The following IGHMBP2 variants were observed in gnomAD, a reference collection of about 807,000 sequenced individuals.
IGHMBP2 encodes immunoglobulin mu DNA binding protein 2.
In IGHMBP2, 81 loss-of-function variants were observed where a neutral mutation model predicts 96.0. That is an observed-to-expected ratio of 0.84 (90% CI 0.71 to 1.01). The LOEUF (loss-of-function observed/expected upper bound fraction) is 1.01. IGHMBP2 is among the 50% of genes least tolerant of loss of function. IGHMBP2 has a pLI of 0.00. For missense variants in IGHMBP2, 1,227 were observed against 1,306.3 expected (o/e 0.94, Z 0.94); for synonymous variants, 557 against 548.9 (o/e 1.01, Z -0.21).
At chr11:68,905,897 G>A (rs1858171270) in intron 1 of IGHMBP2, among the ~76,000 whole-genome samples, 172 bp from the exon 2 acceptor site, 1 of 152,210 alleles carries the variant, frequency 6.6e-6, no homozygotes, top group Non-Finnish European at 1.5e-5. Flanking sequence ...CTGCCCTAGG[G>A]GGATGTAGGA....
chr11:68,937,170 C>A, intron 13 of IGHMBP2, 79 bp downstream of exon 13: 1 of 1,549,414 alleles, frequency 6.5e-7, no homozygotes, highest in Non-Finnish European at 8.8e-7. Context: ...CTGCCACCAT[C>A]AACAGAAGGA....
At chr11:68,934,185 T>TC in intron 10 of IGHMBP2, 1 of 611,394 alleles carries the variant, frequency 1.6e-6, no homozygotes, top group South Asian at 1.9e-5. Flanking sequence ...TGATGGGAAC[T>TC]GTCATTGCTC....
At chr11:68,915,160 G>A in intron 6 of IGHMBP2, 137 bp downstream of exon 6, 1 of 363,056 alleles carries the variant, frequency 2.8e-6, no homozygotes, top group South Asian at 5.9e-5. Context: ...TAAAAATTGG[G>A]CTGCCCTTTT....
At chr11:68,921,196 T>TTA (rs1858864155) in intron 7 of IGHMBP2, among the ~76,000 whole-genome samples, 2 of 151,804 alleles carry the variant, frequency 1.3e-5, no homozygotes, top group South Asian at 2.1e-4. Context: ...TTTTTTTTTT[T>TTA]ACATAAGTTC....
chr11:68,915,980 C>T (rs771410721), intron 6 of IGHMBP2, among the ~76,000 whole-genome samples: 7 of 151,738 alleles, frequency 4.6e-5, no homozygotes, highest in Non-Finnish European at 1.0e-4. Context: ...TCGAGACCAG[C>T]CTGGCCCACA....
In IGHMBP2 at chr11:68,940,016, C is replaced by T; in HGVS notation, c.*285C>T. The stretch of plus-strand genomic sequence containing the variant: ...CCCGCCAAAACCCACATCCCAGCCT[C>T]TGGATCCTGGGGAAGGTTCCAGTCC... On this transcript the variant is annotated 3_prime_UTR_variant, in exon 15 of 15. Coordinates refer to ENST00000255078, the MANE Select transcript of IGHMBP2 (RefSeq NM_002180.3). The T allele has an allele frequency of 2.1e-6, 1 of 472,036 alleles. No homozygotes were observed. The highest frequency in any genetic ancestry group is 3.8e-6 in the Non-Finnish European group (1 of 261,870). The allele number at this position is 472,036 out of a possible 1,614,324, so 29.2% of individuals were successfully genotyped here. A position where few individuals can be genotyped will look rare whatever the true frequency, so the allele number is the denominator to read the frequency against.
In IGHMBP2 at chr11:68,915,166, C is replaced by CTTTTTTTTTTTTTTTTTTTTTTTTTTTT. The variant is rs71043470; in HGVS notation, c.912+146_912+173dup. ...TAATAATTTTAAAAATTGGGCTGCCCTTTTTTTTTTTTTTTTTTTTTTTTT... is the reference window on the plus strand; with the variant it reads ...TAATAATTTTAAAAATTGGGCTGCCCTTTTTTTTTTTTTTTTTTTTTTTTTTTTTTTTTTTTTTTTTTTTTTTTTTTTT... On this transcript the variant is annotated intron_variant, in intron 6 of 14. Transcript: ENST00000255078. The CTTTTTTTTTTTTTTTTTTTTTTTTTTTT allele has an allele frequency of 1.7e-4, 36 of 206,380 alleles. 7 individuals are homozygous for CTTTTTTTTTTTTTTTTTTTTTTTTTTTT. Among genetic ancestry groups the CTTTTTTTTTTTTTTTTTTTTTTTTTTTT allele is most frequent in the Non-Finnish European group, 2.3e-4 (29 of 123,784 alleles). The allele number at this position is 206,380 out of a possible 1,614,324, so 12.8% of individuals were successfully genotyped here.
At chr11:68,911,355 TC>T in intron 4 of IGHMBP2, 84 bp from the exon 5 acceptor site, 1 of 1,403,596 alleles carries the variant, frequency 7.1e-7, no homozygotes. Flanking sequence ...GCATCACTCA[TC>T]CCCCGGGGCA....
intron 4 of IGHMBP2, among the ~76,000 whole-genome samples, chr11:68,910,661 A>T (rs552089829): frequency 1.6e-4 from 24 of 152,330 alleles, no homozygotes; most frequent in African/African-American, 5.8e-4. Flanking sequence ...AGGCCGGCAG[A>T]TCATGAGGTC....
chr11:68,914,186 T>C (rs1299484611), intron 5 of IGHMBP2, among the ~76,000 whole-genome samples: 1 of 152,128 alleles, frequency 6.6e-6, no homozygotes, highest in Admixed American at 6.5e-5. Flanking sequence ...TAACAGCAGA[T>C]GGTCAATTTC....
intron 7 of IGHMBP2, among the ~76,000 whole-genome samples, chr11:68,924,006 C>T (rs1281997484): frequency 6.6e-6 from 1 of 152,180 alleles, no homozygotes; most frequent in African/African-American, 2.4e-5. Context: ...TGGAAACTCT[C>T]AAGGCAGAAA....
intron 13 of IGHMBP2, among the ~76,000 whole-genome samples, 169 bp downstream of exon 13, chr11:68,937,260 T>C (rs1260435317): frequency 6.6e-6 from 1 of 152,156 alleles, no homozygotes; most frequent in Non-Finnish European, 1.5e-5. Flanking sequence ...CCGTCTGGGC[T>C]CCCCTAGGTC....
chr11:68,936,390 G>C lies in IGHMBP2; in HGVS notation c.1910G>C (p.Arg637Pro). Residue 637 changes from arginine (R) to proline (P), a missense_variant, in exon 13 of 15, where the codon CGC becomes CCC. Arg to Pro is a moderately radical substitution (Grantham distance 103). Around this residue, in one of 3 missense-constraint regions of IGHMBP2, gnomAD observed 703 missense variants for 770.3 expected, o/e 0.91. Transcript: ENST00000255078. ...VEYFTQHGEV[R>P]TAFEYLDDIV... is the part of the protein sequence containing the mutation. ...TATTTCACACAGCATGGGGAAGTAC[G>C]CACGGCCTTTGAGTATCTTGACGAT... 1 of 1,614,168 alleles carries C rather than the reference G, an allele frequency of 6.2e-7. No homozygotes were observed. The highest frequency in any genetic ancestry group is 1.1e-5 in the South Asian group (1 of 91,078).
chr11:68,929,334 G>GC lies in IGHMBP2; in HGVS notation c.1218dup (p.Thr407HisfsTer22). The GC allele has an allele frequency of 1.2e-6, 2 of 1,613,348 alleles. No homozygotes were observed. Among genetic ancestry groups the GC allele is most frequent in the Non-Finnish European group, 1.7e-6 (2 of 1,179,986 alleles). On this transcript the variant is annotated frameshift_variant, in exon 8 of 15. Transcript: ENST00000255078. LOFTEE classifies it high-confidence loss of function. ...TCCTGGCGGGCGATCACAAGCAGCT[G>GC]CCCCCCACCACAGTCTCTCACAAGT...
At chr11:68,906,908 C>G (rs1858223664) in intron 2 of IGHMBP2, among the ~76,000 whole-genome samples, 1 of 151,992 alleles carries the variant, frequency 6.6e-6, no homozygotes, top group African/African-American at 2.4e-5. Flanking sequence ...TCCCAAAGTG[C>G]TGGGATTACA....
intron 10 of IGHMBP2, 173 bp downstream of exon 10, chr11:68,934,086 G>A: frequency 1.5e-6 from 1 of 668,276 alleles, no homozygotes; most frequent in South Asian, 1.7e-5. Context: ...TTTCTCCAGG[G>A]TGAGCAGACC....
In IGHMBP2 at chr11:68,936,688, C is replaced by G; in HGVS notation, c.2208C>G (p.Phe736Leu). Residue 736 changes from phenylalanine (F) to leucine (L), a missense_variant, in exon 13 of 15, where the codon TTC (phenylalanine) becomes TTG (leucine). This residue lies in a region of IGHMBP2 where 703 missense variants were observed against 770.3 expected (regional missense o/e 0.91). Transcript: ENST00000255078. ...ACTTCCGGGCCATGATAGTGGAGTT[C>G]ATGGCCAGCAAGAAGATGCAGTTGG... Reference protein sequence around the residue: ...VDHFRAMIVEFMASKKMQLEF... With the variant: ...VDHFRAMIVELMASKKMQLEF... 6.2e-7 allele frequency: 1 copy of G among 1,614,088 alleles called. No individual in the cohort carries two copies.
intron 4 of IGHMBP2, among the ~76,000 whole-genome samples, chr11:68,909,506 T>G (rs915986240): frequency 6.6e-6 from 1 of 152,062 alleles, no homozygotes; most frequent in Admixed American, 6.6e-5. Context: ...ATAATGTTCT[T>G]TTTAGTGTAT....
At chr11:68,907,722 T>A (rs892785055) in intron 2 of IGHMBP2, among the ~76,000 whole-genome samples, 1 of 151,908 alleles carries the variant, frequency 6.6e-6, no homozygotes, top group Non-Finnish European at 1.5e-5. Flanking sequence ...TGAGCAGAGT[T>A]TGAGATTTTT....
Sources: gnomAD v4.1 joint callset for allele counts (sites outside exome capture counted in the v4.1 genomes callset) on GRCh38, gnomAD v4.1.1 for gene constraint, gnomAD v4.1.1 regional missense constraint, MANE v1.5 for transcripts, NCBI Gene and HGNC (gene_info 2026-07-23, HGNC 2026-07-21) for gene names.